PCSK5: variants seen among roughly 807,000 people sequenced by gnomAD.
PCSK5 encodes the protein prohormone convertase 5.
Under a neutral mutation model 233.2 loss-of-function variants are expected in PCSK5, and 129 were observed. That is an observed-to-expected ratio of 0.55 (90% CI 0.48 to 0.64). The LOEUF is 0.64. Ranked by LOEUF, PCSK5 falls within the 30% of genes least tolerant of loss-of-function variation. The pLI, the probability that PCSK5 is intolerant of heterozygous loss-of-function variation, is 0.00. For synonymous variants in PCSK5, 825 were observed against 879.2 expected (o/e 0.94, Z 1.09); for missense variants, 2,076 against 2,430.1 (o/e 0.85, Z 3.06).
At chr9:76,101,991 T>C (rs1831778497) in intron 8 of PCSK5, among the ~76,000 whole-genome samples, 1 of 152,196 alleles carries the variant, frequency 6.6e-6, no homozygotes, top group Non-Finnish European at 1.5e-5. Context: ...TCCAGATGTG[T>C]TTTTGTTTAT....
chr9:76,027,437 T>C (rs1828475604), intron 5 of PCSK5, among the ~76,000 whole-genome samples: 1 of 152,168 alleles, frequency 6.6e-6, no homozygotes, highest in African/African-American at 2.4e-5. Context: ...GGTCCCTACC[T>C]GAGCATTTCT....
At chr9:76,246,503 G>T (rs1217038691) in intron 24 of PCSK5, among the ~76,000 whole-genome samples, 2 of 152,086 alleles carry the variant, frequency 1.3e-5, no homozygotes. Flanking sequence ...TACAATGGCT[G>T]TTGAAGGAAA....
intron 3 of PCSK5, among the ~76,000 whole-genome samples, chr9:76,002,477 T>C (rs1827302958): frequency 6.6e-6 from 1 of 152,192 alleles, no homozygotes; most frequent in Non-Finnish European, 1.5e-5. Flanking sequence ...TTAATAGGCA[T>C]CTCCAAACGA....
rs1016550614 is a variant in PCSK5 at position 76,254,705 on chromosome 9, G to A, written c.3142+14021G>A. ...TGTTTGCTGCCTAAAAAATGTATTC[G>A]CCCATATAAGACACGTCTTGGGAAT... On this transcript the variant is annotated intron_variant, in intron 24 of 37. Coordinates refer to ENST00000674117, the MANE Select transcript of PCSK5 (RefSeq NM_001372043.1). 3.3e-5 allele frequency among the ~76,000 whole-genome samples: 5 copies of A among 152,238 alleles called. No homozygotes were observed. The East Asian group carries it at 5.8e-4, about 18-fold the overall frequency.
chr9:76,105,724 C>T (rs1831951121), intron 8 of PCSK5, among the ~76,000 whole-genome samples: 1 of 152,172 alleles, frequency 6.6e-6, no homozygotes, highest in South Asian at 2.1e-4. Context: ...AGGTTTGACT[C>T]CTTCCCCCAC....
At chr9:76,079,485 A>G (rs996327136) in intron 7 of PCSK5, among the ~76,000 whole-genome samples, 1 of 152,172 alleles carries the variant, frequency 6.6e-6, no homozygotes, top group African/African-American at 2.4e-5. Context: ...ATTGGTGTAT[A>G]GAAATGCTAC....
At chr9:75,915,363 A>G (rs148088881) in intron 1 of PCSK5, among the ~76,000 whole-genome samples, 1 of 152,344 alleles carries the variant, frequency 6.6e-6, no homozygotes, top group East Asian at 1.9e-4. Flanking sequence ...AATCAAGAGA[A>G]TAGAGACATA....
At chr9:75,923,471 G>A (rs1823343733) in intron 1 of PCSK5, among the ~76,000 whole-genome samples, 1 of 152,122 alleles carries the variant, frequency 6.6e-6, no homozygotes, top group South Asian at 2.1e-4. Flanking sequence ...AAAGTGCTTA[G>A]CAGAGTACCT....
chr9:75,986,352 G>A (rs1538843), intron 3 of PCSK5, 107 bp downstream of exon 3: 624,336 of 683,802 alleles, frequency 0.91, 285,813 homozygotes, highest in African/African-American at 0.95. Flanking sequence ...ACCAGGGATT[G>A]TTTCCTATTT....
At chr9:76,106,056 A>C (rs907724904) in intron 8 of PCSK5, among the ~76,000 whole-genome samples, 1 of 152,132 alleles carries the variant, frequency 6.6e-6, no homozygotes, top group African/African-American at 2.4e-5. Context: ...AATTTAACTA[A>C]TTTTCACACT....
chr9:75,910,873 C>A (rs187054564), intron 1 of PCSK5, among the ~76,000 whole-genome samples: 1 of 152,250 alleles, frequency 6.6e-6, no homozygotes, highest in Non-Finnish European at 1.5e-5. Flanking sequence ...ATGTGGGTAT[C>A]GGTTCACTCA....
At chr9:76,331,472 C>G (rs911277523) in intron 33 of PCSK5, among the ~76,000 whole-genome samples, 42 of 152,078 alleles carry the variant, frequency 2.8e-4, no homozygotes, top group Middle Eastern at 6.8e-3. Flanking sequence ...TCGAGACCAT[C>G]CTGGCTAAAA....
intron 1 of PCSK5, among the ~76,000 whole-genome samples, chr9:75,911,287 C>G (rs1251043284): frequency 8.8e-6 from 1 of 113,836 alleles, no homozygotes; most frequent in Non-Finnish European, 1.6e-5. Context: ...CAACCTAATT[C>G]TGAAAAGGCA....
At chr9:76,248,018 T>C (rs1826672742) in intron 24 of PCSK5, among the ~76,000 whole-genome samples, 1 of 152,124 alleles carries the variant, frequency 6.6e-6, no homozygotes, top group Admixed American at 6.5e-5. Context: ...ACTCCTGACC[T>C]CGTGGTCCGC....
intron 5 of PCSK5, among the ~76,000 whole-genome samples, chr9:76,065,324 A>G (rs1374078133): frequency 6.6e-6 from 1 of 151,952 alleles, no homozygotes; most frequent in Non-Finnish European, 1.5e-5. Flanking sequence ...TTTTTATAGC[A>G]TTTGTTATTT....
At chr9:76,028,388 C>T (rs1249557213) in intron 5 of PCSK5, among the ~76,000 whole-genome samples, 1 of 152,096 alleles carries the variant, frequency 6.6e-6, no homozygotes. Context: ...AATCAGCCTC[C>T]CCAGACATAT....
chr9:76,289,325 A>G (rs1239981324), intron 24 of PCSK5, among the ~76,000 whole-genome samples: 1 of 152,018 alleles, frequency 6.6e-6, no homozygotes, highest in Non-Finnish European at 1.5e-5. Context: ...AACTTTCCCC[A>G]TCTCTCCCCA....
intron 35 of PCSK5, among the ~76,000 whole-genome samples, chr9:76,349,688 G>A (rs1000474242): frequency 2.6e-5 from 4 of 152,152 alleles, no homozygotes; most frequent in African/African-American, 7.2e-5. Context: ...CCTATACCAA[G>A]TTCCAACTTA....
Position 76,151,008 on chromosome 9 carries a change from TAAAA to T in PCSK5, c.1313-6025_1313-6022del, listed in dbSNP as rs10624054. 1.7e-4 allele frequency among the ~76,000 whole-genome samples: 24 copies of T among 142,310 alleles called. 1 individual carries two copies. Among genetic ancestry groups the T allele is most frequent in the Admixed American group, 4.2e-4 (6 of 14,316 alleles). The allele number at this position is 142,310 out of a possible 152,430, so 93.4% of individuals were successfully genotyped here. A position where few individuals can be genotyped will look rare whatever the true frequency, so the allele number is the denominator to read the frequency against. The stretch of plus-strand genomic sequence containing the variant: ...CATATTTAGCTGTTTCTTTTTACAT[TAAAA>T]AAAAAAAAAAACTATACTTAGGTGT... On this transcript the variant is annotated intron_variant, in intron 10 of 37. Transcript: ENST00000674117.
Sources: allele counts gnomAD v4.1 joint callset (sites outside exome capture counted in the v4.1 genomes callset), GRCh38; gene constraint gnomAD v4.1.1; transcripts MANE v1.5; gene names NCBI Gene and HGNC (gene_info 2026-07-23, HGNC 2026-07-21).